SF3A3: variants seen among roughly 807,000 people sequenced by gnomAD.
The protein encoded by SF3A3 is splicing factor 3a subunit 3, also known as SAP 61.
In SF3A3, 9 loss-of-function variants were observed where a neutral mutation model predicts 85.8. The observed-to-expected ratio is 0.10, with a 90% CI of 0.06 to 0.18. The LOEUF (loss-of-function observed/expected upper bound fraction) is 0.18, where lower values mean the gene tolerates loss of function less well. SF3A3 is among the 10% of genes least tolerant of loss of function. The pLI is 1.00. For synonymous variants in SF3A3, 195 were observed against 204.4 expected, an observed-to-expected ratio of 0.95 and a Z score of 0.39; for missense variants, 306 against 593.3, an observed-to-expected ratio of 0.52 and a Z score of 5.03.
At chr1:37,968,700 C>T (rs1261542247) in intron 14 of SF3A3, among the ~76,000 whole-genome samples, 1 of 152,160 alleles carries the variant, frequency 6.6e-6, no homozygotes, top group African/African-American at 2.4e-5. Flanking sequence ...ATTCAGAACT[C>T]ACTCATGGGC....
At chr1:37,963,580 A>G (rs1030309695) in intron 15 of SF3A3, among the ~76,000 whole-genome samples, 1 of 151,242 alleles carries the variant, frequency 6.6e-6, no homozygotes, top group African/African-American at 2.4e-5. Flanking sequence ...TTTTTGAGAC[A>G]GAGTCTCACT....
intron 9 of SF3A3, 149 bp downstream of exon 9, chr1:37,979,314 TTC>T (rs1403467902): frequency 1.5e-6 from 1 of 668,138 alleles, no homozygotes; most frequent in African/African-American, 1.8e-5. Context: ...AGTAATTTTT[TTC>T]TTTTTGCCTT....
chr1:37,979,150 C>A, intron 9 of SF3A3, 95 bp from the exon 10 acceptor site: 1 of 946,090 alleles, frequency 1.1e-6, no homozygotes. Context: ...GAGGCTGTGG[C>A]AGGACCACAC....
At chr1:37,985,639 G>A (rs1306681782) in intron 4 of SF3A3, among the ~76,000 whole-genome samples, 1 of 151,998 alleles carries the variant, frequency 6.6e-6, no homozygotes, top group African/African-American at 2.4e-5. Flanking sequence ...TATATCTTGG[G>A]CATCCTTCTA....
intron 6 of SF3A3, among the ~76,000 whole-genome samples, chr1:37,983,201 G>T (rs1431213088): frequency 7.0e-6 from 1 of 143,362 alleles, no homozygotes; most frequent in Non-Finnish European, 1.5e-5. Context: ...GCCTCCCAAA[G>T]TGCTAGGATT....
chr1:37,960,564 A>T (rs1646249643), intron 15 of SF3A3: 1 of 179,738 alleles, frequency 5.6e-6, no homozygotes, highest in South Asian at 1.7e-4. Context: ...AAAGGTAAAG[A>T]CATCCAAAAA....
chr1:37,989,951 C>T lies in SF3A3; in HGVS notation c.15G>A (p.Leu5=), dbSNP rs566072189. The part of the protein sequence containing the change: METI[L]EQQRRYHEEK... ...CCTCATGATAGCGCCGCTGCTGCTC[C>T]AGTATTGTCTCCATCTTCCCTTAGT... The change falls in exon 1 of 17, where the codon CTG becomes CTA. Residue 5 remains leucine, a synonymous_variant. Coordinates refer to ENST00000373019, the MANE Select transcript of SF3A3 (RefSeq NM_006802.4). The T allele has an allele frequency of 5.0e-6, 8 of 1,611,898 alleles. No homozygotes were observed. In the South Asian group the frequency reaches 8.8e-5, roughly 18 times the overall value.
At position 37,958,116 on chromosome 1, in the gene SF3A3, G is replaced by A; in HGVS notation, c.*70C>T. On this transcript the variant is annotated 3_prime_UTR_variant, in exon 17 of 17. Coordinates refer to ENST00000373019, the MANE Select transcript of SF3A3 (RefSeq NM_006802.4). ...AAAGGGTCTTTAAGAGGATTTGGTT[G>A]GGAGAAATAGAAAAAGCAGATCTTA... 2 of 1,002,288 alleles carry A rather than the reference G, an allele frequency of 2.0e-6. No individual in the cohort carries two copies. The highest frequency in any genetic ancestry group is 3.2e-6 in the Non-Finnish European group (2 of 624,434). The allele number at this position is 1,002,288 out of a possible 1,614,324, so 62.1% of individuals were successfully genotyped here. A position where few individuals can be genotyped will look rare whatever the true frequency, so the allele number is the denominator to read the frequency against.
chr1:37,976,624 A>T (rs1486902613), intron 12 of SF3A3, among the ~76,000 whole-genome samples: 1 of 152,050 alleles, frequency 6.6e-6, no homozygotes, highest in African/African-American at 2.4e-5. Flanking sequence ...AATCTGCACT[A>T]TTCTGGACAT....
At chr1:37,981,930 C>T (rs751455762) in intron 6 of SF3A3, 119 bp from the exon 7 acceptor site, 79 of 647,624 alleles carry the variant, frequency 1.2e-4, no homozygotes, top group South Asian at 3.4e-4. Context: ...GTAACAAGGG[C>T]TGGCTAATTT....
chr1:37,974,706 C>T (rs894459228), intron 12 of SF3A3, among the ~76,000 whole-genome samples: 2 of 152,186 alleles, frequency 1.3e-5, no homozygotes, highest in Admixed American at 6.5e-5. Flanking sequence ...TGTAGTGGCA[C>T]GCTATCCTAC....
At chr1:37,988,047 T>C (rs991619846) in intron 2 of SF3A3, among the ~76,000 whole-genome samples, 1 of 152,198 alleles carries the variant, frequency 6.6e-6, no homozygotes. Context: ...GATTCCTGTT[T>C]AGTTTTTTAA....
rs1436888341 is a variant in SF3A3 at position 37,988,891 on chromosome 1, A to T, written c.144+657T>A. On this transcript the variant is annotated intron_variant, in intron 2 of 16. Coordinates refer to ENST00000373019, the MANE Select transcript of SF3A3 (RefSeq NM_006802.4). The stretch of plus-strand genomic sequence containing the variant: ...TGTGTGTGTGTGTGTATATATATAT[A>T]TATATTTTTTTTTTCATTTAAGGGA... Among the ~76,000 whole-genome samples, 16 of 149,228 alleles carry T rather than the reference A, an allele frequency of 1.1e-4. No individual in the cohort carries two copies. The East Asian group carries it at 1.2e-3, about 11-fold the overall frequency.
At chr1:37,987,861 A>G in intron 2 of SF3A3, 25 bp from the exon 3 acceptor site, 1 of 1,596,468 alleles carries the variant, frequency 6.3e-7, no homozygotes. Context: ...CAAAACCATC[A>G]GAATGATGCA....
In SF3A3 at chr1:37,984,587, CA is replaced by C. The variant is rs1170358571; in HGVS notation, c.376+119del. 3 of 776,582 alleles carry C rather than the reference CA, an allele frequency of 3.9e-6. No homozygotes were observed. In the African/African-American group the frequency reaches 5.2e-5, roughly 13 times the overall value. The allele number at this position is 776,582 out of a possible 1,614,324, so 48.1% of individuals were successfully genotyped here. On this transcript the variant is annotated intron_variant, in intron 5 of 16. Coordinates refer to ENST00000373019, the MANE Select transcript of SF3A3 (RefSeq NM_006802.4). Reference sequence around the variant, plus strand: ...GATGTCACTCTAGCCCAGAAACCAGCAAAGACAAAACCAGCAAGAAATCCTG... The same window carrying C: ...GATGTCACTCTAGCCCAGAAACCAGCAAGACAAAACCAGCAAGAAATCCTG...
At chr1:37,983,126 C>G (rs11210842) in intron 6 of SF3A3, among the ~76,000 whole-genome samples, 52,429 of 150,964 alleles carry the variant, frequency 0.35, 10,620 homozygotes, top group Non-Finnish European at 0.45. Context: ...TTAGTAGAGA[C>G]GGGGTTTCTC....
intron 12 of SF3A3, among the ~76,000 whole-genome samples, chr1:37,971,557 A>C (rs1265546165): frequency 3.3e-5 from 5 of 152,198 alleles, no homozygotes; most frequent in Admixed American, 3.3e-4. Flanking sequence ...ACAACAAAAA[A>C]AAGAGAATTT....
At chr1:37,978,578 T>C in intron 11 of SF3A3, 142 bp downstream of exon 11, 2 of 601,656 alleles carry the variant, frequency 3.3e-6, no homozygotes, top group Non-Finnish European at 6.0e-6. Context: ...TCTCTGCTAT[T>C]AGCAGAGATA....
At chr1:37,964,984 C>A (rs897769510) in intron 15 of SF3A3, among the ~76,000 whole-genome samples, 1 of 152,052 alleles carries the variant, frequency 6.6e-6, no homozygotes, top group Non-Finnish European at 1.5e-5. Context: ...CATGGTGAAA[C>A]CCCGTCTCTA....
Sources: allele counts gnomAD v4.1 joint callset (sites outside exome capture counted in the v4.1 genomes callset), GRCh38; gene constraint gnomAD v4.1.1; transcripts MANE v1.5; gene names NCBI Gene and HGNC (gene_info 2026-07-23, HGNC 2026-07-21).